CTNNA2: variants seen among roughly 807,000 people sequenced by gnomAD.
CTNNA2 encodes the protein catenin alpha-2.
In CTNNA2, 42 loss-of-function variants were observed where a neutral mutation model predicts 101.0. The ratio of observed to expected loss-of-function variants is 0.42; its 90% CI spans 0.32 to 0.54. The LOEUF is 0.54. Among genes scored for constraint, CTNNA2 ranks in the 20% least tolerant of loss-of-function variants. The pLI is 0.14. For synonymous variants in CTNNA2, 450 were observed against 456.4 expected, an observed-to-expected ratio of 0.99 and a Z score of 0.18; for missense variants, 871 against 1,223.1, an observed-to-expected ratio of 0.71 and a Z score of 4.29.
intron 4 of CTNNA2, among the ~76,000 whole-genome samples, chr2:79,477,260 T>C (rs1035117797): frequency 1.7e-4 from 25 of 151,094 alleles, no homozygotes; most frequent in African/African-American, 6.1e-4. Flanking sequence ...AACTTCTGCC[T>C]CCAAGGTTCT....
At position 79,377,085 on chromosome 2, in the gene CTNNA2, A is replaced by T. The variant is rs528200890; in HGVS notation, c.-135+3072A>T. Among the ~76,000 whole-genome samples the T allele has an allele frequency of 3.2e-3, 489 of 151,646 alleles. 2 individuals carry two copies. The highest frequency in any genetic ancestry group is 6.8e-3 in the Middle Eastern group (2 of 294). ...CACTGACTTCCACAATGGTTGAACTAGTTTACAGTCCCACCAACAGTGTAA... is the reference window on the plus strand; with the variant it reads ...CACTGACTTCCACAATGGTTGAACTTGTTTACAGTCCCACCAACAGTGTAA... On this transcript the variant is annotated intron_variant, in intron 4 of 21. Coordinates refer to the CTNNA2 transcript ENST00000466387.
intron 7 of CTNNA2, among the ~76,000 whole-genome samples, chr2:80,084,011 C>A (rs1453211277): frequency 6.6e-6 from 1 of 152,028 alleles, no homozygotes; most frequent in African/African-American, 2.4e-5. Context: ...ATTTGCAGCT[C>A]TTCACCCACT....
chr2:80,185,153 C>T (rs940166717), intron 7 of CTNNA2, among the ~76,000 whole-genome samples: 1 of 152,158 alleles, frequency 6.6e-6, no homozygotes, highest in East Asian at 1.9e-4. Flanking sequence ...AAGCTTCACT[C>T]AGAGAAGATC....
intron 1 of CTNNA2, among the ~76,000 whole-genome samples, chr2:79,531,136 A>G (rs935721396): frequency 6.7e-6 from 1 of 148,612 alleles, no homozygotes; most frequent in Non-Finnish European, 1.5e-5. Flanking sequence ...GATTTAAAGA[A>G]GTTCTTTTGT....
At chr2:79,297,507 C>A (rs557743577) in intron 2 of CTNNA2, among the ~76,000 whole-genome samples, 3 of 152,160 alleles carry the variant, frequency 2.0e-5, no homozygotes, top group Non-Finnish European at 4.4e-5. Context: ...CTTGGCTTTA[C>A]TTTCTCATAT....
intron 2 of CTNNA2, among the ~76,000 whole-genome samples, chr2:79,657,533 A>G (rs1681700299): frequency 6.6e-6 from 1 of 151,910 alleles, no homozygotes; most frequent in South Asian, 2.1e-4. Context: ...TCTTTAAATG[A>G]TTCCAACCAT....
intron 5 of CTNNA2, among the ~76,000 whole-genome samples, chr2:79,871,845 C>G (rs1414816374): frequency 6.6e-6 from 1 of 152,170 alleles, no homozygotes; most frequent in Non-Finnish European, 1.5e-5. Flanking sequence ...CATGGGCCAT[C>G]AGCATGTAGC....
At chr2:80,519,498 A>G (rs748944729) in intron 9 of CTNNA2, among the ~76,000 whole-genome samples, 7 of 152,208 alleles carry the variant, frequency 4.6e-5, no homozygotes, top group Non-Finnish European at 8.8e-5. Flanking sequence ...TCACATCATG[A>G]GTCACTTAAA....
intron 4 of CTNNA2, among the ~76,000 whole-genome samples, chr2:79,396,050 T>C (rs1306936185): frequency 6.6e-6 from 1 of 152,354 alleles, no homozygotes; most frequent in East Asian, 1.9e-4. Flanking sequence ...ATGTGAAGTA[T>C]ACATGCAGGA....
intron 16 of CTNNA2, among the ~76,000 whole-genome samples, chr2:80,605,888 T>G (rs1399714096): frequency 6.6e-6 from 1 of 151,898 alleles, no homozygotes. Flanking sequence ...AGGTGTTGAG[T>G]GTTAACCCAT....
At chr2:79,267,465 T>A (rs1356436251) in intron 2 of CTNNA2, among the ~76,000 whole-genome samples, 1 of 152,124 alleles carries the variant, frequency 6.6e-6, no homozygotes, top group Non-Finnish European at 1.5e-5. Flanking sequence ...AGGTGAGGCC[T>A]CATGACCTAA....
intron 2 of CTNNA2, among the ~76,000 whole-genome samples, chr2:79,657,420 T>G (rs1681691020): frequency 6.6e-6 from 1 of 151,876 alleles, no homozygotes; most frequent in South Asian, 2.1e-4. Flanking sequence ...GTATTCCATT[T>G]AAATACTAGA....
chr2:79,459,909 A>G (rs1670861914), intron 4 of CTNNA2, among the ~76,000 whole-genome samples: 2 of 152,210 alleles, frequency 1.3e-5, no homozygotes, highest in African/African-American at 4.8e-5. Flanking sequence ...ACAGTCTAAA[A>G]TTATACAACT....
chr2:79,651,664 G>A lies in CTNNA2; in HGVS notation c.102+6G>A. The A allele has an allele frequency of 6.2e-7, 1 of 1,612,454 alleles. No homozygotes were observed. Among genetic ancestry groups the A allele is most frequent in the Non-Finnish European group, 8.5e-7 (1 of 1,178,796 alleles). ...TGGAGCCACTTGTTACACAGGTAAGGGATGCTTTGAAACCACTTTGTTATA... is the reference window on the plus strand; with the variant it reads ...TGGAGCCACTTGTTACACAGGTAAGAGATGCTTTGAAACCACTTTGTTATA... On this transcript the variant is annotated splice_donor_region_variant and intron_variant, in intron 2 of 18. Coordinates refer to ENST00000402739, the MANE Select transcript of CTNNA2 (RefSeq NM_001282597.3).
intron 9 of CTNNA2, among the ~76,000 whole-genome samples, chr2:80,485,861 T>C (rs1686534572): frequency 6.6e-6 from 1 of 152,228 alleles, no homozygotes; most frequent in Non-Finnish European, 1.5e-5. Flanking sequence ...GCAGTGGTTT[T>C]GAGTATTGTT....
chr2:79,242,995 C>CACACACACACACACACAT (rs1192241391), intron 2 of CTNNA2, among the ~76,000 whole-genome samples: 57 of 84,268 alleles, frequency 6.8e-4, no homozygotes, highest in South Asian at 3.9e-3. Flanking sequence ...TATATATATA[C>CACACACACACACACACAT]ACACACACAC....
intron 1 of CTNNA2, among the ~76,000 whole-genome samples, chr2:79,188,481 A>G (rs1673811073): frequency 6.6e-6 from 1 of 152,190 alleles, no homozygotes; most frequent in African/African-American, 2.4e-5. Context: ...CAGTGACCCC[A>G]CCTATTGCTG....
chr2:80,535,772 T>C (rs1690956937), intron 9 of CTNNA2, among the ~76,000 whole-genome samples: 1 of 152,200 alleles, frequency 6.6e-6, no homozygotes, highest in Non-Finnish European at 1.5e-5. Flanking sequence ...ATCCCTGCTG[T>C]TTAAGTTTCC....
rs1398681654 is a variant in CTNNA2 at position 79,268,266 on chromosome 2, CAG to C, written c.-405-44438_-405-44437del. Among the ~76,000 whole-genome samples the C allele has an allele frequency of 5.3e-5, 8 of 152,078 alleles. No homozygotes were observed. In the East Asian group the frequency reaches 1.2e-3, roughly 22 times the overall value. On this transcript the variant is annotated intron_variant, in intron 2 of 21. Transcript: ENST00000466387. ...ATAATGGTCAGCAAGATCAGAATAACAGAGAGGAATCTCTAGTCTGCTGGAAT... is the reference window on the plus strand; with the variant it reads ...ATAATGGTCAGCAAGATCAGAATAACAGAGGAATCTCTAGTCTGCTGGAAT...
Sources: allele counts gnomAD v4.1 joint callset (sites outside exome capture counted in the v4.1 genomes callset), GRCh38; gene constraint gnomAD v4.1.1; transcripts MANE v1.5; gene names NCBI Gene and HGNC (gene_info 2026-07-23, HGNC 2026-07-21).